UGCG: variants seen among roughly 807,000 people sequenced by gnomAD.
The protein encoded by UGCG is UDP-glucose ceramide glucosyltransferase, also known as ceramide glucosyltransferase.
Under a neutral mutation model 49.5 loss-of-function variants are expected in UGCG, and 10 were observed. The observed-to-expected ratio is 0.20, with a 90% CI of 0.12 to 0.34. UGCG has a LOEUF of 0.34. Ranked by LOEUF, UGCG falls within the 10% of genes least tolerant of loss-of-function variation. The pLI is 1.00. For missense variants in UGCG, 312 were observed against 483.7 expected (o/e 0.65, Z 3.33); for synonymous variants, 182 against 158.2 (o/e 1.15, Z -1.13).
intron 5 of UGCG, among the ~76,000 whole-genome samples, chr9:111,927,361 A>G (rs1838333900): frequency 6.6e-6 from 1 of 152,168 alleles, no homozygotes; most frequent in African/African-American, 2.4e-5. Flanking sequence ...GGAAACTATA[A>G]ATAATGGAAA....
At chr9:111,918,001 C>G (rs1334324497) in intron 2 of UGCG, among the ~76,000 whole-genome samples, 1 of 152,006 alleles carries the variant, frequency 6.6e-6, no homozygotes, top group Non-Finnish European at 1.5e-5. Flanking sequence ...GTGAACCTGT[C>G]ATAACTATGA....
intron 7 of UGCG, 24 bp downstream of exon 7, chr9:111,931,381 T>TTTAAAGAAA (rs758536441): frequency 1.4e-5 from 23 of 1,607,256 alleles, no homozygotes; most frequent in Non-Finnish European, 1.9e-5. Context: ...TTTCTTTTTA[T>TTTAAAGAAA]ACTTCGTTAA....
At chr9:111,912,921 G>A (rs1346480054) in intron 1 of UGCG, among the ~76,000 whole-genome samples, 3 of 152,162 alleles carry the variant, frequency 2.0e-5, no homozygotes, top group East Asian at 1.9e-4. Context: ...GTGCACGTGT[G>A]TGTAAAACTG....
At chr9:111,928,040 A>G (rs1838356504) in intron 5 of UGCG, among the ~76,000 whole-genome samples, 1 of 116,722 alleles carries the variant, frequency 8.6e-6, no homozygotes, top group African/African-American at 3.0e-5. Flanking sequence ...TTGTAATGTT[A>G]TAAGGACAGA....
rs145763547 is a variant in UGCG, at chr9:111,899,660, TATA to T, written c.98+2350_98+2352del. ...TTTCTTTTACATTTTCTAACTCTGT[TATA>T]ATTTTTATATCTTCCTTATTCCTCC... is the stretch of plus-strand genomic sequence containing the variant. On this transcript the variant is annotated intron_variant, in intron 1 of 8. Coordinates refer to ENST00000374279, the MANE Select transcript of UGCG (RefSeq NM_003358.3). Among the ~76,000 whole-genome samples, 585 of 152,286 alleles carry T rather than the reference TATA, an allele frequency of 3.8e-3. 3 individuals carry two copies. The highest frequency in any genetic ancestry group is 0.013 in the African/African-American group (528 of 41,580).
intron 2 of UGCG, among the ~76,000 whole-genome samples, chr9:111,920,929 G>A (rs1026263987): frequency 2.0e-5 from 3 of 150,622 alleles, no homozygotes; most frequent in African/African-American, 7.3e-5. Context: ...TTGAGATGGA[G>A]TCTCGCTCTG....
intron 5 of UGCG, among the ~76,000 whole-genome samples, chr9:111,927,018 G>A (rs1032339318): frequency 1.3e-5 from 2 of 151,210 alleles, no homozygotes; most frequent in African/African-American, 4.9e-5. Flanking sequence ...GATTTCAGGT[G>A]TGCTACCACA....
intron 2 of UGCG, among the ~76,000 whole-genome samples, chr9:111,916,229 A>C (rs1187099249): frequency 6.6e-6 from 1 of 152,202 alleles, no homozygotes; most frequent in Admixed American, 6.5e-5. Flanking sequence ...TACGAATGAA[A>C]GAAATTTTCT....
chr9:111,932,004 A>G, intron 7 of UGCG, 166 bp from the exon 8 acceptor site: 1 of 704,464 alleles, frequency 1.4e-6, no homozygotes, highest in East Asian at 2.7e-5. Context: ...TGGGTGACAG[A>G]GCAGAACCCC....
intron 4 of UGCG, among the ~76,000 whole-genome samples, chr9:111,925,228 C>T (rs973298138): frequency 2.6e-5 from 4 of 152,118 alleles, no homozygotes; most frequent in Non-Finnish European, 4.4e-5. Context: ...CGTAATACAC[C>T]GTCTCACAAA....
chr9:111,921,244 C>A (rs563013412), intron 2 of UGCG, among the ~76,000 whole-genome samples: 2 of 152,130 alleles, frequency 1.3e-5, no homozygotes, highest in Admixed American at 1.3e-4. Context: ...GAAATTTCTT[C>A]ATTGAGTCAA....
intron 1 of UGCG, among the ~76,000 whole-genome samples, chr9:111,913,406 C>T (rs189153582): frequency 6.6e-6 from 1 of 152,168 alleles, no homozygotes; most frequent in East Asian, 1.9e-4. Flanking sequence ...CTGATGTTAA[C>T]TGGGGCACGT....
intron 1 of UGCG, among the ~76,000 whole-genome samples, chr9:111,914,074 T>G (rs1838067673): frequency 6.6e-6 from 1 of 152,198 alleles, no homozygotes; most frequent in African/African-American, 2.4e-5. Flanking sequence ...CCTTTCATAA[T>G]TTTCTGCTGC....
chr9:111,913,547 C>T (rs1018866707), intron 1 of UGCG, among the ~76,000 whole-genome samples: 7 of 152,062 alleles, frequency 4.6e-5, no homozygotes, highest in African/African-American at 1.7e-4. Context: ...ATTCTTCTGC[C>T]TCAGCCTCCC....
intron 1 of UGCG, among the ~76,000 whole-genome samples, chr9:111,910,216 C>CT (rs1426996895): frequency 1.3e-5 from 2 of 152,216 alleles, no homozygotes; most frequent in Non-Finnish European, 2.9e-5. Context: ...TTCAGTACAG[C>CT]TTAGATGATC....
chr9:111,922,635 A>AAAAT (rs1838247084), intron 2 of UGCG, among the ~76,000 whole-genome samples: 2 of 152,224 alleles, frequency 1.3e-5, no homozygotes, highest in Admixed American at 1.3e-4. Flanking sequence ...TTCCTTATTT[A>AAAAT]TTCTGCTTGC....
At chr9:111,932,780 T>C (rs1436031519) in intron 8 of UGCG, 47 bp from the exon 9 acceptor site, 1 of 1,463,084 alleles carries the variant, frequency 6.8e-7, no homozygotes, top group African/African-American at 1.4e-5. Flanking sequence ...ACCTTGTCTT[T>C]AGTTTGACAG....
At chr9:111,901,710 C>T (rs1414976028) in intron 1 of UGCG, among the ~76,000 whole-genome samples, 1 of 152,110 alleles carries the variant, frequency 6.6e-6, no homozygotes. Context: ...AGAAAAAGAG[C>T]AAAGTGGAAA....
At chr9:111,918,673 C>G (rs901311656) in intron 2 of UGCG, among the ~76,000 whole-genome samples, 1 of 152,132 alleles carries the variant, frequency 6.6e-6, no homozygotes, top group Non-Finnish European at 1.5e-5. Flanking sequence ...GTGGCTCACG[C>G]CTGTAATCCC....
Sources: allele counts gnomAD v4.1 joint callset (sites outside exome capture counted in the v4.1 genomes callset), GRCh38; gene constraint gnomAD v4.1.1; transcripts MANE v1.5; gene names NCBI Gene and HGNC (gene_info 2026-07-23, HGNC 2026-07-21).